Variants in ARHGAP35 observed in about 807,000 individuals in gnomAD.
ARHGAP35 encodes rho GTPase-activating protein 35.
In ARHGAP35, 15 loss-of-function variants were observed where a neutral mutation model predicts 111.1. The observed-to-expected ratio is 0.13, with a 90% CI of 0.09 to 0.21. The LOEUF is 0.21. Among genes scored for constraint, ARHGAP35 ranks in the 10% least tolerant of loss-of-function variants. The probability of loss-of-function intolerance (pLI) is 1.00; values close to 1 mark genes in which losing one functional copy is unlikely to be tolerated. For missense variants in ARHGAP35, 1,262 were observed against 1,873.0 expected (o/e 0.67, Z 6.02); for synonymous variants, 643 against 710.3 (o/e 0.91, Z 1.51).
In ARHGAP35 at chr19:46,919,715, C is replaced by G; in HGVS notation, c.1040C>G (p.Ala347Gly). Residue 347 changes from alanine (A) to glycine (G), a missense_variant, in exon 2 of 7, where the codon GCT (alanine) becomes GGT (glycine). Around this residue, in one of 8 missense-constraint regions of ARHGAP35, gnomAD observed 328 missense variants for 440.8 expected, o/e 0.74. Transcript: ENST00000672722. The surrounding 1 kb of genome is among the most constrained non-coding windows in gnomAD (Gnocchi z 6.2). Reference protein sequence around the residue: ...RKLYLAALPLAFEALIPNLDE... With the variant: ...RKLYLAALPLGFEALIPNLDE... ...CTGTACCTGGCAGCCCTGCCATTAG[C>G]TTTTGAAGCTCTTATACCTAATCTA... 1 of 1,614,024 alleles carries G rather than the reference C, an allele frequency of 6.2e-7. No individual in the cohort carries two copies. The highest frequency in any genetic ancestry group is 1.1e-5 in the South Asian group (1 of 91,084).
intron 3 of ARHGAP35, among the ~76,000 whole-genome samples, chr19:46,944,065 C>T (rs1268921685): frequency 6.6e-6 from 1 of 152,196 alleles, no homozygotes; most frequent in Non-Finnish European, 1.5e-5. Context: ...TTTGAGACAG[C>T]AAGGCAGGAG....
chr19:46,869,023 A>G (rs911101717), intron 1 of ARHGAP35, among the ~76,000 whole-genome samples: 1 of 146,862 alleles, frequency 6.8e-6, no homozygotes, highest in African/African-American at 2.5e-5. Context: ...CTCCTGCTTC[A>G]GCCTCCGAAG....
At chr19:46,968,439 G>A (rs891306566) in intron 3 of ARHGAP35, among the ~76,000 whole-genome samples, 10 of 152,146 alleles carry the variant, frequency 6.6e-5, no homozygotes, top group African/African-American at 1.9e-4. Flanking sequence ...GCTGTCCCTC[G>A]GCTGGAGGCC....
intron 1 of ARHGAP35, among the ~76,000 whole-genome samples, chr19:46,877,283 C>T (rs2055930020): frequency 7.0e-6 from 1 of 142,964 alleles, no homozygotes; most frequent in South Asian, 2.2e-4. Context: ...TATGTTTTGG[C>T]TGGGCGCAGT....
At chr19:46,951,875 G>T (rs1487136053) in intron 3 of ARHGAP35, among the ~76,000 whole-genome samples, 1 of 152,150 alleles carries the variant, frequency 6.6e-6, no homozygotes, top group African/African-American at 2.4e-5. Context: ...ATAGCAGGGC[G>T]GGTCAGAGCA....
chr19:46,897,561 G>A (rs1020165068), intron 1 of ARHGAP35, among the ~76,000 whole-genome samples: 1 of 151,750 alleles, frequency 6.6e-6, no homozygotes, highest in African/African-American at 2.4e-5. Flanking sequence ...CTCCAAGCAG[G>A]TTGAAAACTG....
chr19:46,907,095 A>G (rs2056112784), intron 1 of ARHGAP35, among the ~76,000 whole-genome samples: 1 of 152,242 alleles, frequency 6.6e-6, no homozygotes, highest in Non-Finnish European at 1.5e-5. Context: ...CTGTCTAAAA[A>G]AAAGAATCTT....
rs894623988 is a variant in ARHGAP35 at position 46,945,636 on chromosome 19, G to C, written c.3826+8228G>C. ...CAAGTGTCGTCACACCTGCCCACCC[G>C]GGACGGTCTCAGCGTTCTGGAGACA... On this transcript the variant is annotated intron_variant, in intron 3 of 6. Transcript: ENST00000672722. This position sits in a 1 kb window ranked among gnomAD's most constrained non-coding sequence, Gnocchi z 4.1. 6.6e-6 allele frequency among the ~76,000 whole-genome samples: 1 copy of C among 152,098 alleles called. No homozygotes were observed. The highest frequency in any genetic ancestry group is 1.5e-5 in the Non-Finnish European group (1 of 68,012).
At chr19:46,934,166 A>G (rs1183461906) in intron 2 of ARHGAP35, among the ~76,000 whole-genome samples, 2 of 152,226 alleles carry the variant, frequency 1.3e-5, no homozygotes, top group Non-Finnish European at 2.9e-5. Context: ...GATGAATGTG[A>G]TTTAAGTACA....
In ARHGAP35 at chr19:47,004,414, TC is replaced by T. The variant is rs2056765396; in HGVS notation, c.*3729del. 1 of 152,302 alleles carries T rather than the reference TC, an allele frequency of 6.6e-6. No individual in the cohort carries two copies. The highest frequency in any genetic ancestry group is 1.5e-5 in the Non-Finnish European group (1 of 68,028). 9.4% of individuals were successfully genotyped at this position (152,302 alleles called of 1,614,324 possible). ...GACCTGGGCTGGCCTCCCCCAGCCC[TC>T]CCGTGGCGGAGCCGGCAGCGATGCT... On this transcript the variant is annotated 3_prime_UTR_variant, in exon 7 of 7. Coordinates refer to ENST00000672722, the MANE Select transcript of ARHGAP35 (RefSeq NM_004491.5).
At chr19:46,900,687 G>A (rs1024032317) in intron 1 of ARHGAP35, among the ~76,000 whole-genome samples, 1 of 152,038 alleles carries the variant, frequency 6.6e-6, no homozygotes, top group Admixed American at 6.6e-5. Context: ...TGGTGCTGAG[G>A]TCACATGAGG....
chr19:46,887,267 G>T (rs1042293153), intron 1 of ARHGAP35, among the ~76,000 whole-genome samples: 4 of 152,144 alleles, frequency 2.6e-5, no homozygotes, highest in Non-Finnish European at 5.9e-5. Context: ...CCAAAGTAAA[G>T]AAAGGAATTT....
chr19:46,909,416 T>C (rs553577544), intron 1 of ARHGAP35, among the ~76,000 whole-genome samples: 39 of 152,330 alleles, frequency 2.6e-4, no homozygotes, highest in African/African-American at 9.1e-4. Context: ...TTCTGGAGTG[T>C]GCTGCACATT....
intron 1 of ARHGAP35, among the ~76,000 whole-genome samples, chr19:46,882,773 TTA>T (rs2055969513): frequency 6.6e-6 from 1 of 152,200 alleles, no homozygotes; most frequent in Admixed American, 6.5e-5. Flanking sequence ...TGTTCCTGTG[TTA>T]GTTTGCTGAG....
chr19:46,919,971 G>A lies in ARHGAP35; in HGVS notation c.1296G>A (p.Met432Ile). ...KLRNERKRVE[M>I]RRAFKENLET... is the part of the protein sequence containing the mutation. Reference sequence around the variant, plus strand: ...GGAACGAAAGGAAAAGAGTTGAGATGCGAAGGGCGTTTAAAGAAAACCTGG... The same window carrying A: ...GGAACGAAAGGAAAAGAGTTGAGATACGAAGGGCGTTTAAAGAAAACCTGG... Residue 432 changes from methionine to isoleucine, a missense_variant, in exon 2 of 7, where the codon ATG becomes ATA. Around this residue, in one of 8 missense-constraint regions of ARHGAP35, gnomAD observed 328 missense variants for 440.8 expected, o/e 0.74. Transcript: ENST00000672722. The surrounding 1 kb of genome is among the most constrained non-coding windows in gnomAD (Gnocchi z 6.2). The A allele has an allele frequency of 6.2e-7, 1 of 1,613,956 alleles. No individual in the cohort carries two copies. The highest frequency in any genetic ancestry group is 2.2e-5 in the East Asian group (1 of 44,886).
intron 1 of ARHGAP35, among the ~76,000 whole-genome samples, chr19:46,877,625 C>CT (rs1196624516): frequency 2.6e-5 from 4 of 152,052 alleles, no homozygotes; most frequent in African/African-American, 7.2e-5. Context: ...GTACTGTAGT[C>CT]TAAGTGTGCA....
intron 3 of ARHGAP35, among the ~76,000 whole-genome samples, chr19:46,966,554 C>T (rs1031797069): frequency 7.2e-5 from 11 of 152,092 alleles, no homozygotes; most frequent in Non-Finnish European, 1.6e-4. Context: ...GTCCCCCACC[C>T]CCAAAAAATG....
Position 46,922,052 on chromosome 19 carries a change from A to G in ARHGAP35, c.3377A>G (p.Gln1126Arg). The change falls in exon 2 of 7, where the codon CAG becomes CGG. Residue 1126 changes from glutamine to arginine, a missense_variant. By Grantham distance (43) the Gln-to-Arg change is conservative. Coordinates refer to ENST00000672722, the MANE Select transcript of ARHGAP35 (RefSeq NM_004491.5). The surrounding 1 kb of genome is among the most constrained non-coding windows in gnomAD (Gnocchi z 4.0). Reference protein sequence around the residue: ...IITIRNINKAQSNGSGNGSDS... With the variant: ...IITIRNINKARSNGSGNGSDS... Reference sequence around the variant, plus strand: ...ACCATTCGGAATATCAACAAAGCCCAGTCCAACGGCAGCGGGAATGGTTCT... The same window carrying G: ...ACCATTCGGAATATCAACAAAGCCCGGTCCAACGGCAGCGGGAATGGTTCT... 1 of 1,614,082 alleles carries G rather than the reference A, an allele frequency of 6.2e-7. No individual in the cohort carries two copies. The highest frequency in any genetic ancestry group is 8.5e-7 in the Non-Finnish European group (1 of 1,179,898).
At chr19:46,935,961 C>T (rs904666760) in intron 2 of ARHGAP35, among the ~76,000 whole-genome samples, 3 of 152,200 alleles carry the variant, frequency 2.0e-5, no homozygotes, top group African/African-American at 7.2e-5. Flanking sequence ...TGAATCCAAG[C>T]AGTCACTTAG....
Sources: gnomAD v4.1 joint callset for allele counts (sites outside exome capture counted in the v4.1 genomes callset) on GRCh38, gnomAD v4.1.1 for gene constraint, gnomAD v4.1.1 regional missense constraint, Gnocchi (gnomAD v3.1) non-coding constraint, MANE v1.5 for transcripts, NCBI Gene and HGNC (gene_info 2026-07-23, HGNC 2026-07-21) for gene names.